Variants in NBEA observed in about 807,000 individuals in gnomAD.
NBEA encodes lysosomal-trafficking regulator 2.
In NBEA, 44 loss-of-function variants were observed where a neutral mutation model predicts 343.4. The observed-to-expected ratio is 0.13, with a 90% confidence interval of 0.10 to 0.16. The LOEUF is 0.16. Ranked by LOEUF, NBEA falls within the 10% of genes least tolerant of loss-of-function variation. The pLI is 1.00. For missense variants in NBEA, 2,555 were observed against 3,631.3 expected, an observed-to-expected ratio of 0.70 and a Z score of 7.62; for synonymous variants, 1,175 against 1,238.7, an observed-to-expected ratio of 0.95 and a Z score of 1.08.
chr13:35,378,682 GA>G (rs1180721549), intron 38 of NBEA, among the ~76,000 whole-genome samples: 1 of 151,566 alleles, frequency 6.6e-6, no homozygotes, highest in East Asian at 1.9e-4. Flanking sequence ...ACATACAGAA[GA>G]GTACATATGT....
At chr13:35,362,096 A>C (rs972833225) in intron 38 of NBEA, among the ~76,000 whole-genome samples, 2 of 152,032 alleles carry the variant, frequency 1.3e-5, no homozygotes, top group Non-Finnish European at 2.9e-5. Context: ...GAAAGGTTTT[A>C]TAGGTGATTA....
intron 41 of NBEA, among the ~76,000 whole-genome samples, chr13:35,484,417 G>T (rs1192888275): frequency 1.3e-5 from 2 of 151,756 alleles, no homozygotes; most frequent in African/African-American, 4.8e-5. Flanking sequence ...AAAAATGTGG[G>T]ATGTTTTGTT....
intron 31 of NBEA, among the ~76,000 whole-genome samples, chr13:35,204,159 G>A (rs74415149): frequency 0.044 from 6,736 of 152,134 alleles, 171 homozygotes; most frequent in South Asian, 0.079. Flanking sequence ...ATCAGTGGTG[G>A]CATTGGATTC....
intron 38 of NBEA, among the ~76,000 whole-genome samples, chr13:35,383,790 G>C (rs1231673870): frequency 1.3e-5 from 2 of 152,030 alleles, no homozygotes; most frequent in Non-Finnish European, 2.9e-5. Flanking sequence ...TCGATGACAG[G>C]AATAATGTTG....
intron 30 of NBEA, among the ~76,000 whole-genome samples, chr13:35,188,365 G>A (rs2071887987): frequency 1.3e-5 from 2 of 151,612 alleles, no homozygotes; most frequent in East Asian, 1.9e-4. Context: ...CATTGATTCC[G>A]TCTCTGTAAC....
rs753005890 is a variant in NBEA, at chr13:35,472,468, A to G, written c.6517A>G (p.Ile2173Val). Reference sequence around the variant, plus strand: ...GGTGGTGGCCAAGGGGACTCTCTCCATCACCACGACAGAAATCTACTTCGA... The same window carrying G: ...GGTGGTGGCCAAGGGGACTCTCTCCGTCACCACGACAGAAATCTACTTCGA... ...PVVVAKGTLS[I>V]TTTEIYFEVD... The change falls in exon 41 of 59, where the codon ATC becomes GTC. Residue 2173 changes from isoleucine to valine, a missense_variant. Ile to Val is a conservative substitution (Grantham distance 29). This residue lies in a region of NBEA where 246 missense variants were observed against 313.7 expected (regional missense o/e 0.78). Coordinates refer to ENST00000379939, the MANE Select transcript of NBEA (RefSeq NM_001385012.1). The G allele has an allele frequency of 6.2e-7, 1 of 1,614,008 alleles. No individual in the cohort carries two copies. Among genetic ancestry groups the G allele is most frequent in the African/African-American group, 1.3e-5 (1 of 75,040 alleles).
At chr13:35,498,403 G>A (rs2076764107) in intron 41 of NBEA, among the ~76,000 whole-genome samples, 2 of 151,988 alleles carry the variant, frequency 1.3e-5, no homozygotes, top group Admixed American at 1.3e-4. Flanking sequence ...GGAGTCCTCT[G>A]GCATTGATGA....
At chr13:35,332,567 T>C (rs1300528218) in intron 36 of NBEA, among the ~76,000 whole-genome samples, 1 of 152,114 alleles carries the variant, frequency 6.6e-6, no homozygotes, top group Non-Finnish European at 1.5e-5. Flanking sequence ...TAGACAGACA[T>C]TTCTATATCA....
chr13:35,469,542 G>A (rs1300470899), intron 40 of NBEA, among the ~76,000 whole-genome samples: 3 of 152,086 alleles, frequency 2.0e-5, no homozygotes, highest in Non-Finnish European at 2.9e-5. Flanking sequence ...TTTAGATGGT[G>A]GAATTTTAAA....
chr13:35,334,679 A>T (rs2039141209), intron 36 of NBEA, among the ~76,000 whole-genome samples: 1 of 151,950 alleles, frequency 6.6e-6, no homozygotes, highest in Non-Finnish European at 1.5e-5. Flanking sequence ...TGTTCAAATT[A>T]TTTGCCCATT....
At position 35,539,843 on chromosome 13, in the gene NBEA, G is replaced by C. The variant is rs1041111727; in HGVS notation, c.6586-10634G>C. Among the ~76,000 whole-genome samples, 9 of 145,130 alleles carry C rather than the reference G, an allele frequency of 6.2e-5. No individual in the cohort carries two copies. In the East Asian group the frequency reaches 1.9e-3, roughly 30 times the overall value. ...AGGCAGGAGAATGGCGTGAACCCGG[G>C]AGGCGGAGCTTGCAGGGAGCCGAGA... is the stretch of plus-strand genomic sequence containing the variant. On this transcript the variant is annotated intron_variant, in intron 41 of 58. Coordinates refer to ENST00000379939, the MANE Select transcript of NBEA (RefSeq NM_001385012.1).
chr13:35,244,236 A>G (rs886208853), intron 34 of NBEA, among the ~76,000 whole-genome samples: 43 of 152,070 alleles, frequency 2.8e-4, no homozygotes, highest in African/African-American at 1.0e-3. Flanking sequence ...ACTTAGAAAT[A>G]AAACAACATA....
intron 27 of NBEA, among the ~76,000 whole-genome samples, chr13:35,175,506 A>T (rs746094510): frequency 1.3e-5 from 2 of 152,222 alleles, no homozygotes; most frequent in African/African-American, 2.4e-5. Context: ...TAGATAATAG[A>T]AAGTCCTTAA....
chr13:35,155,515 T>C (rs1442662283), intron 18 of NBEA, among the ~76,000 whole-genome samples: 2 of 151,924 alleles, frequency 1.3e-5, no homozygotes, highest in Non-Finnish European at 2.9e-5. Context: ...ATCCCAGCTA[T>C]TTGGGAGACT....
chr13:35,155,910 G>C (rs193258859), intron 19 of NBEA, 55 bp downstream of exon 19: 2 of 1,543,672 alleles, frequency 1.3e-6, no homozygotes, highest in Non-Finnish European at 1.8e-6. Context: ...CAACATATGA[G>C]ACTAAATCAA....
intron 1 of NBEA, among the ~76,000 whole-genome samples, chr13:35,032,185 C>T (rs190409602): frequency 7.9e-5 from 12 of 151,914 alleles, no homozygotes; most frequent in East Asian, 1.9e-4. Flanking sequence ...ATTGCTGGGT[C>T]GAAAAGTAGT....
chr13:35,269,926 G>C (rs2033994044), intron 34 of NBEA, among the ~76,000 whole-genome samples: 1 of 152,128 alleles, frequency 6.6e-6, no homozygotes, highest in Admixed American at 6.5e-5. Flanking sequence ...TAAATTATAG[G>C]CTAGGAATAG....
intron 57 of NBEA, 26 bp from the exon 58 acceptor site, chr13:35,668,339 TTTG>T: frequency 1.9e-6 from 3 of 1,541,320 alleles, no homozygotes; most frequent in Admixed American, 4.2e-5. Context: ...TTTGTTTTTT[TTTG>T]TTTGTTTGTT....
chr13:35,489,054 G>A (rs2076406419), intron 41 of NBEA, among the ~76,000 whole-genome samples: 1 of 151,404 alleles, frequency 6.6e-6, no homozygotes, highest in Non-Finnish European at 1.5e-5. Context: ...ATTTCTTTAA[G>A]TGCAGGCGCA....
Sources: allele counts gnomAD v4.1 joint callset (sites outside exome capture counted in the v4.1 genomes callset), GRCh38; gene constraint gnomAD v4.1.1; regional missense constraint gnomAD v4.1.1; transcripts MANE v1.5; gene names NCBI Gene and HGNC (gene_info 2026-07-23, HGNC 2026-07-21).